Variants in PITPNC1 observed in about 807,000 individuals in gnomAD.
The protein encoded by PITPNC1 is phosphatidylinositol transfer protein cytoplasmic 1.
A neutral mutation model predicts 44.7 loss-of-function variants in PITPNC1; 18 were observed. The observed-to-expected ratio is 0.40, with a 90% CI of 0.28 to 0.60. The LOEUF is 0.60. Among genes scored for constraint, PITPNC1 ranks in the 20% least tolerant of loss-of-function variants. The pLI is 0.39. For synonymous variants in PITPNC1, 141 were observed against 149.6 expected (o/e 0.94, Z 0.42); for missense variants, 290 against 418.4 (o/e 0.69, Z 2.68).
chr17:67,451,774 C>A (rs1406571679), intron 1 of PITPNC1, among the ~76,000 whole-genome samples: 1 of 151,918 alleles, frequency 6.6e-6, no homozygotes, highest in Non-Finnish European at 1.5e-5. Flanking sequence ...GGGTAGCGGG[C>A]ACTACAGGTG....
At chr17:67,528,018 ATTTAT>A (rs2040412532) in intron 1 of PITPNC1, among the ~76,000 whole-genome samples, 1 of 152,010 alleles carries the variant, frequency 6.6e-6, no homozygotes, top group South Asian at 2.1e-4. Flanking sequence ...TTTTTAAATT[ATTTAT>A]TTTATTTACT....
chr17:67,409,952 A>T (rs2038467925), intron 1 of PITPNC1, among the ~76,000 whole-genome samples: 1 of 152,220 alleles, frequency 6.6e-6, no homozygotes, highest in African/African-American at 2.4e-5. Context: ...AGTTGCTATT[A>T]TGAACACTAT....
At chr17:67,575,461 C>G (rs763068713) in intron 4 of PITPNC1, among the ~76,000 whole-genome samples, 2 of 152,192 alleles carry the variant, frequency 1.3e-5, no homozygotes, top group South Asian at 4.1e-4. Context: ...TCCTTAGTCA[C>G]GGTTCAGATC....
intron 5 of PITPNC1, among the ~76,000 whole-genome samples, chr17:67,602,422 A>G (rs992781088): frequency 1.3e-5 from 2 of 152,132 alleles, no homozygotes; most frequent in Non-Finnish European, 1.5e-5. Context: ...GCTTGAAGGG[A>G]AGTGGTTAGA....
chr17:67,574,202 G>A (rs1020644494), intron 4 of PITPNC1, among the ~76,000 whole-genome samples: 2 of 152,316 alleles, frequency 1.3e-5, no homozygotes, highest in East Asian at 1.9e-4. Flanking sequence ...GGCAACTGGG[G>A]CTGAGAACAG....
At position 67,694,296 on chromosome 17, in the gene PITPNC1, G is replaced by T. The variant is rs1440070738; in HGVS notation, c.*1408G>T. The T allele has an allele frequency of 2.6e-5, 4 of 152,302 alleles. No homozygotes were observed. The highest frequency in any genetic ancestry group is 9.6e-5 in the African/African-American group (4 of 41,478). The allele number at this position is 152,302 out of a possible 1,614,324, so 9.4% of individuals were successfully genotyped here. A position where few individuals can be genotyped will look rare whatever the true frequency, so the allele number is the denominator to read the frequency against. On this transcript the variant is annotated 3_prime_UTR_variant, in exon 9 of 9. Transcript: ENST00000581322. ...GTCCTCCAAGAGAGGAAGAGAAGAA[G>T]TAATTGGGCAACTTGGAGGCCCACG...
At chr17:67,622,377 T>C (rs1037428435) in intron 5 of PITPNC1, among the ~76,000 whole-genome samples, 2 of 141,324 alleles carry the variant, frequency 1.4e-5, no homozygotes, top group East Asian at 4.0e-4. Flanking sequence ...TTGGATTGTA[T>C]ATTCATATAT....
intron 4 of PITPNC1, among the ~76,000 whole-genome samples, chr17:67,554,026 A>C (rs2040801794): frequency 6.6e-6 from 1 of 152,198 alleles, no homozygotes; most frequent in African/African-American, 2.4e-5. Flanking sequence ...GAAGCTTGAA[A>C]GTGAAGAGGC....
intron 1 of PITPNC1, among the ~76,000 whole-genome samples, chr17:67,429,792 TGAGA>T: frequency 6.6e-6 from 1 of 152,246 alleles, no homozygotes; most frequent in Non-Finnish European, 1.5e-5. Flanking sequence ...TTTTATGATT[TGAGA>T]GAATTTTCAT....
At chr17:67,651,104 G>T (rs2042204504) in intron 6 of PITPNC1, among the ~76,000 whole-genome samples, 1 of 152,088 alleles carries the variant, frequency 6.6e-6, no homozygotes, top group Non-Finnish European at 1.5e-5. Flanking sequence ...TTGCATTTAG[G>T]GTTTTGGTTT....
At chr17:67,431,604 A>T (rs984856461) in intron 1 of PITPNC1, among the ~76,000 whole-genome samples, 7 of 152,186 alleles carry the variant, frequency 4.6e-5, no homozygotes, top group African/African-American at 1.4e-4. Flanking sequence ...AAGAAAGGGG[A>T]TGTGCTTAAA....
At position 67,682,026 on chromosome 17, in the gene PITPNC1, C is replaced by T. The variant is rs531859566; in HGVS notation, c.682+6484C>T. Among the ~76,000 whole-genome samples, 16 of 151,960 alleles carry T rather than the reference C, an allele frequency of 1.1e-4. 1 individual carries two copies. In the South Asian group the frequency reaches 3.1e-3, roughly 30 times the overall value. ...CAGCCTGGACAACATGGTGAAACCC[C>T]GTCTCTACTAAAAATACAAAAATAG... On this transcript the variant is annotated intron_variant, in intron 8 of 8. Transcript: ENST00000581322.
chr17:67,390,043 C>CAG (rs10600705), intron 1 of PITPNC1, among the ~76,000 whole-genome samples: 27,983 of 150,204 alleles, frequency 0.19, 3,147 homozygotes, highest in South Asian at 0.32. Context: ...TACCCATGTT[C>CAG]AGAGAGAGAG....
intron 5 of PITPNC1, among the ~76,000 whole-genome samples, chr17:67,585,130 A>C (rs960959219): frequency 1.3e-5 from 2 of 151,516 alleles, no homozygotes; most frequent in African/African-American, 2.4e-5. Flanking sequence ...AAAAAAAAAA[A>C]AAAAAACCAG....
intron 1 of PITPNC1, among the ~76,000 whole-genome samples, chr17:67,409,317 C>T (rs1309349727): frequency 6.6e-6 from 1 of 151,700 alleles, no homozygotes; most frequent in African/African-American, 2.4e-5. Context: ...ATCTCCTGAC[C>T]TCATGATCCA....
chr17:67,685,335 A>G (rs2042793020), intron 8 of PITPNC1, among the ~76,000 whole-genome samples: 1 of 152,218 alleles, frequency 6.6e-6, no homozygotes, highest in African/African-American at 2.4e-5. Context: ...ATCTCCAGGT[A>G]TACCTGGGAA....
At chr17:67,388,931 A>C (rs912557991) in intron 1 of PITPNC1, among the ~76,000 whole-genome samples, 9 of 152,228 alleles carry the variant, frequency 5.9e-5, no homozygotes, top group Non-Finnish European at 1.3e-4. Context: ...GCTGTGTTAC[A>C]AATGATCACA....
intron 5 of PITPNC1, among the ~76,000 whole-genome samples, chr17:67,601,293 C>T (rs929886071): frequency 3.9e-5 from 6 of 152,126 alleles, no homozygotes; most frequent in Non-Finnish European, 8.8e-5. Flanking sequence ...TCATTAGCAA[C>T]AGCTGGTCAA....
At chr17:67,572,600 CTAATGG>C (rs1167925958) in intron 4 of PITPNC1, among the ~76,000 whole-genome samples, 1 of 151,710 alleles carries the variant, frequency 6.6e-6, no homozygotes, top group East Asian at 1.9e-4. Context: ...ACACAGATAG[CTAATGG>C]TAATGGTGAC....
Sources: gnomAD v4.1 joint callset for allele counts (sites outside exome capture counted in the v4.1 genomes callset) on GRCh38, gnomAD v4.1.1 for gene constraint, MANE v1.5 for transcripts, NCBI Gene and HGNC (gene_info 2026-07-23, HGNC 2026-07-21) for gene names.